TNFRSF19: variants seen among roughly 807,000 people sequenced by gnomAD.
TNFRSF19 encodes the protein tumor necrosis factor receptor superfamily member 19.
Under a neutral mutation model 46.4 loss-of-function variants are expected in TNFRSF19, and 27 were observed. The ratio of observed to expected loss-of-function variants is 0.58; its 90% CI spans 0.43 to 0.80. The LOEUF is 0.80. Ranked by LOEUF, TNFRSF19 falls within the 30% of genes least tolerant of loss-of-function variation. The probability of loss-of-function intolerance (pLI) is 0.00; values close to 1 mark genes in which losing one functional copy is unlikely to be tolerated. For missense variants in TNFRSF19, 511 were observed against 530.8 expected, an observed-to-expected ratio of 0.96 and a Z score of 0.37; for synonymous variants, 204 against 205.0, an observed-to-expected ratio of 1.00 and a Z score of 0.04.
At chr13:23,593,569 G>A in intron 3 of TNFRSF19, 114 bp downstream of exon 3, 1 of 731,708 alleles carries the variant, frequency 1.4e-6, no homozygotes, top group Non-Finnish European at 2.3e-6. Flanking sequence ...CAGAATTATT[G>A]GATCATTATG....
intron 1 of TNFRSF19, among the ~76,000 whole-genome samples, chr13:23,580,780 C>T (rs1232636932): frequency 6.6e-6 from 1 of 152,212 alleles, no homozygotes; most frequent in African/African-American, 2.4e-5. Context: ...TAAAACAAAA[C>T]ATAGAAATGC....
intron 4 of TNFRSF19, among the ~76,000 whole-genome samples, chr13:23,619,437 T>A (rs1360272751): frequency 2.0e-5 from 3 of 152,066 alleles, no homozygotes; most frequent in South Asian, 4.1e-4. Context: ...ATGATGAAAA[T>A]GTCCTAAAAT....
At chr13:23,594,991 C>CA (rs1327005188) in intron 3 of TNFRSF19, among the ~76,000 whole-genome samples, 6 of 152,304 alleles carry the variant, frequency 3.9e-5, no homozygotes, top group African/African-American at 1.2e-4. Flanking sequence ...AGTGGACCTC[C>CA]AACAAACTCC....
At chr13:23,637,494 G>A (rs1882762865) in intron 5 of TNFRSF19, among the ~76,000 whole-genome samples, 1 of 152,174 alleles carries the variant, frequency 6.6e-6, no homozygotes, top group Non-Finnish European at 1.5e-5. Flanking sequence ...AACCTAACCT[G>A]GAGTTTTGTG....
intron 1 of TNFRSF19, among the ~76,000 whole-genome samples, chr13:23,586,074 C>T (rs372754361): frequency 2.6e-5 from 4 of 151,556 alleles, no homozygotes; most frequent in East Asian, 1.9e-4. Context: ...ATCGAGACCA[C>T]GGCGAAACCC....
At chr13:23,605,885 A>G (rs1029769573) in intron 3 of TNFRSF19, among the ~76,000 whole-genome samples, 1 of 152,240 alleles carries the variant, frequency 6.6e-6, no homozygotes, top group African/African-American at 2.4e-5. Context: ...TGGTGGATGC[A>G]TATCATTCTG....
intron 3 of TNFRSF19, among the ~76,000 whole-genome samples, chr13:23,602,989 A>G (rs1880268731): frequency 6.6e-6 from 1 of 152,082 alleles, no homozygotes; most frequent in South Asian, 2.1e-4. Context: ...AATAAAATAA[A>G]TAACTATTAA....
chr13:23,580,855 T>C (rs1386299662), intron 1 of TNFRSF19, among the ~76,000 whole-genome samples: 1 of 152,280 alleles, frequency 6.6e-6, no homozygotes, highest in African/African-American at 2.4e-5. Context: ...CTCTGTTCTT[T>C]ACTTTTTAAT....
At chr13:23,571,903 T>C (rs555771916) in intron 1 of TNFRSF19, among the ~76,000 whole-genome samples, 136 of 152,098 alleles carry the variant, frequency 8.9e-4, no homozygotes, top group African/African-American at 3.2e-3. Context: ...GTCCTAAATT[T>C]ATCTGGGCAA....
At position 23,592,398 on chromosome 13, in the gene TNFRSF19, G is replaced by A. The variant is rs574599726; in HGVS notation, c.70-947G>A. Among the ~76,000 whole-genome samples the A allele has an allele frequency of 1.2e-4, 19 of 152,240 alleles. No homozygotes were observed. The East Asian group carries it at 2.7e-3, about 22-fold the overall frequency. On this transcript the variant is annotated intron_variant, in intron 2 of 9. Transcript: ENST00000248484. ...CAGCATTACTCATGAAATACTGTCC[G>A]TTAAGCAGATAAACATACTTTTCTA... is the stretch of plus-strand genomic sequence containing the variant.
Position 23,668,020 on chromosome 13 carries a change from C to A in TNFRSF19, c.777C>A (p.Ala259=). Reference sequence around the variant, plus strand: ...TCCCATCCATGTGCTGTGAGGAGGCCTGCAGCCCCAACCCGGCGACTCTTG... The same window carrying A: ...TCCCATCCATGTGCTGTGAGGAGGCATGCAGCCCCAACCCGGCGACTCTTG... ...RLLPSMCCEE[A]CSPNPATLGC... Residue 259 remains alanine (A), a synonymous_variant, in exon 8 of 10, where the codon GCC becomes GCA. Transcript: ENST00000248484. 3 of 1,610,446 alleles carry A rather than the reference C, an allele frequency of 1.9e-6. No homozygotes were observed. The highest frequency in any genetic ancestry group is 1.1e-5 in the South Asian group (1 of 89,788).
intron 4 of TNFRSF19, among the ~76,000 whole-genome samples, chr13:23,619,161 A>C (rs765943352): frequency 5.3e-5 from 8 of 152,256 alleles, no homozygotes; most frequent in Non-Finnish European, 8.8e-5. Context: ...GGAAAAACCA[A>C]ATGGGATATA....
At chr13:23,660,512 C>G (rs773726446) in intron 7 of TNFRSF19, 22 bp downstream of exon 7, 9 of 1,609,046 alleles carry the variant, frequency 5.6e-6, no homozygotes, top group Non-Finnish European at 7.6e-6. Flanking sequence ...AGGGAAGTGC[C>G]GTTAGGAGGA....
chr13:23,660,301 G>C (rs1884273028), intron 6 of TNFRSF19, 64 bp from the exon 7 acceptor site: 1 of 1,494,642 alleles, frequency 6.7e-7, no homozygotes, highest in African/African-American at 1.4e-5. Context: ...ACAAAAGCTA[G>C]AATGGCACAG....
intron 1 of TNFRSF19, among the ~76,000 whole-genome samples, chr13:23,575,567 G>A (rs1008190850): frequency 2.0e-5 from 3 of 152,036 alleles, no homozygotes. Flanking sequence ...TAGGTCTTGG[G>A]GGTTCCTCCT....
intron 3 of TNFRSF19, among the ~76,000 whole-genome samples, chr13:23,610,576 C>T (rs1880830156): frequency 6.6e-6 from 1 of 152,102 alleles, no homozygotes; most frequent in African/African-American, 2.4e-5. Flanking sequence ...ACATGGGAGC[C>T]CTTGCTGGGG....
intron 1 of TNFRSF19, among the ~76,000 whole-genome samples, chr13:23,575,676 C>A (rs1445686899): frequency 1.3e-5 from 2 of 152,314 alleles, no homozygotes; most frequent in East Asian, 3.9e-4. Context: ...TGAGAACTTA[C>A]TATGTGCCAG....
intron 4 of TNFRSF19, among the ~76,000 whole-genome samples, chr13:23,617,908 T>A (rs1881412511): frequency 6.6e-6 from 1 of 152,070 alleles, no homozygotes; most frequent in South Asian, 2.1e-4. Context: ...GACAAAAGAC[T>A]CTAACTGGAT....
chr13:23,579,963 G>C (rs1046198805), intron 1 of TNFRSF19, among the ~76,000 whole-genome samples: 2 of 152,250 alleles, frequency 1.3e-5, no homozygotes, highest in African/African-American at 4.8e-5. Flanking sequence ...GCCGCATCCC[G>C]GACCAGCGCC....
Sources: allele counts gnomAD v4.1 joint callset (sites outside exome capture counted in the v4.1 genomes callset), GRCh38; gene constraint gnomAD v4.1.1; transcripts MANE v1.5; gene names NCBI Gene and HGNC (gene_info 2026-07-23, HGNC 2026-07-21).